Variants in FAM83A observed in about 807,000 individuals in gnomAD.
The protein encoded by FAM83A is protein FAM83A.
A neutral mutation model predicts 24.4 loss-of-function variants in FAM83A; 21 were observed. The ratio of observed to expected loss-of-function variants is 0.86; its 90% confidence interval spans 0.61 to 1.24. The LOEUF is 1.24. FAM83A is among the 50% of genes most tolerant of loss of function. The pLI is 0.00. For synonymous variants in FAM83A, 270 were observed against 252.4 expected (o/e 1.07, Z -0.66); for missense variants, 617 against 579.8 (o/e 1.06, Z -0.66).
At chr8:123,181,842 G>T, upstream of FAM83A, 1 of 339,104 alleles carries the variant, frequency 2.9e-6, no homozygotes, top group Non-Finnish European at 6.0e-6. Flanking sequence ...ATGATCTTCC[G>T]ACCAACCACT....
chr8:123,185,024 C>T (rs572317764), intron 1 of FAM83A, among the ~76,000 whole-genome samples: 5 of 152,276 alleles, frequency 3.3e-5, no homozygotes, highest in East Asian at 1.9e-4. Flanking sequence ...AAAATTTAGT[C>T]GAAGGTAACA....
At chr8:123,199,462 C>T (rs1021987762) in intron 3 of FAM83A, among the ~76,000 whole-genome samples, 3 of 152,100 alleles carry the variant, frequency 2.0e-5, no homozygotes, top group Admixed American at 6.5e-5. Context: ...TGACCAGGCG[C>T]GGTGGCTCAC....
exon 4 of FAM83A, chr8:123,207,548 C>A (rs1206738262): frequency 6.4e-7 from 1 of 1,554,126 alleles, no homozygotes; most frequent in Non-Finnish European, 8.6e-7. Flanking sequence ...CTCCCCGCGG[C>A]CCCACGACGG....
At chr8:123,199,818 A>G (rs9693914) in intron 3 of FAM83A, 40,119 of 153,974 alleles carry the variant, frequency 0.26, 5,727 homozygotes, top group African/African-American at 0.38. Flanking sequence ...TATTCCAGGA[A>G]GTAAGGGCCC....
Position 123,182,867 on chromosome 8 carries a change from C to A in FAM83A, c.11C>A (p.Ser4Ter). ...CCAGGGACGGGAGGCATGAGCCGGT[C>A]AAGGCACCTGGGCAAAATCCGGAAG... is the stretch of plus-strand genomic sequence containing the variant. Residue 4 changes from serine (S) to a stop codon, truncating the protein, a stop_gained, in exon 1 of 4, where the codon TCA (serine) becomes TAA (stop). Coordinates refer to ENST00000690554, the Ensembl canonical transcript of FAM83A. LOFTEE classifies it high-confidence loss of function. 1 of 1,522,064 alleles carries A rather than the reference C, an allele frequency of 6.6e-7. No individual in the cohort carries two copies. Among genetic ancestry groups the A allele is most frequent in the Non-Finnish European group, 8.8e-7 (1 of 1,135,890 alleles). The allele number at this position is 1,522,064 out of a possible 1,614,324, so 94.3% of individuals were successfully genotyped here.
At chr8:123,184,148 C>G (rs1192386505) in intron 1 of FAM83A, among the ~76,000 whole-genome samples, 2 of 152,256 alleles carry the variant, frequency 1.3e-5, no homozygotes, top group Non-Finnish European at 2.9e-5. Flanking sequence ...TGTCTTTGGG[C>G]CTTTGCGTGT....
At chr8:123,198,714 C>T (rs565826826) in intron 3 of FAM83A, among the ~76,000 whole-genome samples, 54 of 152,304 alleles carry the variant, frequency 3.5e-4, no homozygotes, top group African/African-American at 1.2e-3. Context: ...ATTATGCTTT[C>T]TCCTAGAAGA....
chr8:123,186,122 CTA>C (rs1823783823), intron 1 of FAM83A, among the ~76,000 whole-genome samples: 1 of 152,114 alleles, frequency 6.6e-6, no homozygotes, highest in Non-Finnish European at 1.5e-5. Flanking sequence ...ACATAAATAG[CTA>C]TAATCCACAT....
chr8:123,208,736 C>T, exon 4 of FAM83A: 1 of 985,568 alleles, frequency 1.0e-6, no homozygotes, highest in Non-Finnish European at 1.2e-6. Flanking sequence ...TGGCTCATGC[C>T]TGTAATCCCA....
intron 1 of FAM83A, among the ~76,000 whole-genome samples, chr8:123,184,909 A>T (rs1166035020): frequency 6.6e-6 from 1 of 152,200 alleles, no homozygotes; most frequent in Admixed American, 6.5e-5. Context: ...TCATAACTGA[A>T]TTCCCTCCCA....
chr8:123,207,545 C>T (rs1483078150), exon 4 of FAM83A: 2 of 1,556,532 alleles, frequency 1.3e-6, no homozygotes, highest in Non-Finnish European at 1.7e-6. Flanking sequence ...CCTCTCCCCG[C>T]GGCCCCACGA....
At chr8:123,185,043 G>A (rs1806547817) in intron 1 of FAM83A, among the ~76,000 whole-genome samples, 1 of 152,196 alleles carries the variant, frequency 6.6e-6, no homozygotes, top group African/African-American at 2.4e-5. Context: ...CAACAGGTGG[G>A]GCATTGGCTT....
chr8:123,207,583 C>G lies in FAM83A; in HGVS notation c.1200C>G (p.Asn400Lys), dbSNP rs1824605453. Residue 400 changes from asparagine (N) to lysine (K), a missense_variant, in exon 4 of 4, where the codon AAC becomes AAG. Transcript: ENST00000690554. ...GCCCGCCCGCCGCTGTCTACAGCAA[C>G]CTGGGGGCCTACAGGCCCACGCGGC... 3 of 1,574,920 alleles carry G rather than the reference C, an allele frequency of 1.9e-6. No homozygotes were observed. The South Asian group carries it at 3.4e-5, about 18-fold the overall frequency.
chr8:123,191,670 C>G (rs1384424059), intron 1 of FAM83A, 133 bp from the exon 2 acceptor site: 4 of 906,208 alleles, frequency 4.4e-6, no homozygotes, highest in Non-Finnish European at 5.2e-6. Flanking sequence ...CAGACCCACT[C>G]TACCCCATCC....
chr8:123,182,826 C>A, exon 1 of FAM83A: 1 of 1,514,394 alleles, frequency 6.6e-7, no homozygotes. Flanking sequence ...GACGTGCCAG[C>A]CTCCCCCAGC....
chr8:123,206,042 T>A (rs980040821), intron 3 of FAM83A, among the ~76,000 whole-genome samples: 15 of 151,176 alleles, frequency 9.9e-5, no homozygotes, highest in African/African-American at 1.5e-4. Context: ...ACTTGGGAGG[T>A]TGAGGCAGAA....
chr8:123,186,939 C>T (rs1017128578), intron 1 of FAM83A, among the ~76,000 whole-genome samples: 2 of 152,208 alleles, frequency 1.3e-5, no homozygotes, highest in African/African-American at 2.4e-5. Flanking sequence ...TGCCAACCAC[C>T]TGCTCCTTAG....
intron 3 of FAM83A, among the ~76,000 whole-genome samples, chr8:123,201,009 A>G (rs1405348162): frequency 6.7e-6 from 1 of 150,188 alleles, no homozygotes; most frequent in Non-Finnish European, 1.5e-5. Flanking sequence ...AAAAAAAATT[A>G]GCTGGTGTGG....
In FAM83A at chr8:123,183,012, G is replaced by T. The variant is rs746396481; in HGVS notation, c.156G>T (p.Arg52=). The T allele has an allele frequency of 2.5e-6, 4 of 1,606,376 alleles. No homozygotes were observed. In the South Asian group the frequency reaches 4.5e-5, roughly 18 times the overall value. Reference sequence around the variant, plus strand: ...ATGGGGGTTCTGAAGCCTACTGGCGGGTGCTCAGCCAGGAAGGCGAGGTGG... The same window carrying T: ...ATGGGGGTTCTGAAGCCTACTGGCGTGTGCTCAGCCAGGAAGGCGAGGTGG... The change falls in exon 1 of 4, where the codon CGG becomes CGT. Residue 52 remains arginine (R), a synonymous_variant. Transcript: ENST00000690554.
Sources: gnomAD v4.1 joint callset for allele counts (sites outside exome capture counted in the v4.1 genomes callset) on GRCh38, gnomAD v4.1.1 for gene constraint, MANE v1.5 for transcripts, NCBI Gene and HGNC (gene_info 2026-07-23, HGNC 2026-07-21) for gene names.